PTPN14: variants seen among roughly 807,000 people sequenced by gnomAD.
PTPN14 encodes protein tyrosine phosphatase non-receptor type 14.
Under a neutral mutation model 126.8 loss-of-function variants are expected in PTPN14, and 53 were observed. The observed-to-expected ratio is 0.42, with a 90% CI of 0.34 to 0.53. The LOEUF (loss-of-function observed/expected upper bound fraction) is 0.53. PTPN14 is among the 20% of genes least tolerant of loss of function. The pLI, the probability that PTPN14 is intolerant of heterozygous loss-of-function variation, is 0.08. For missense variants in PTPN14, 1,257 were observed against 1,552.9 expected (o/e 0.81, Z 3.20); for synonymous variants, 630 against 599.3 (o/e 1.05, Z -0.75).
chr1:214,418,520 A>C (rs1659474558), intron 3 of PTPN14, among the ~76,000 whole-genome samples: 1 of 152,242 alleles, frequency 6.6e-6, no homozygotes, highest in Non-Finnish European at 1.5e-5. Flanking sequence ...CACAGGGATG[A>C]AGGCAGGATC....
rs1657761359 is a variant in PTPN14 at position 214,354,054 on chromosome 1, G to C, written c.*3868C>G. 6.6e-6 allele frequency: 1 copy of C among 152,244 alleles called. No homozygotes were observed. The highest frequency in any genetic ancestry group is 1.9e-4 in the East Asian group (1 of 5,196). 9.4% of individuals were successfully genotyped at this position (152,244 alleles called of 1,614,324 possible). A position where few individuals can be genotyped will look rare whatever the true frequency, so the allele number is the denominator to read the frequency against. On this transcript the variant is annotated 3_prime_UTR_variant, in exon 19 of 19. Transcript: ENST00000366956. The stretch of plus-strand genomic sequence containing the variant: ...TATAACTGAAAAGCACAAGCTGAAA[G>C]AAAGCAGGATAAAGGTTAAGTAGGT...
chr1:214,350,547 T>C lies in PTPN14; in HGVS notation c.*7375A>G, dbSNP rs943704175. 2.2e-5 allele frequency: 3 copies of C among 139,428 alleles called. No homozygotes were observed. The highest frequency in any genetic ancestry group is 8.1e-5 in the African/African-American group (3 of 36,930). 8.6% of individuals were successfully genotyped at this position (139,428 alleles called of 1,614,324 possible). A position where few individuals can be genotyped will look rare whatever the true frequency, so the allele number is the denominator to read the frequency against. Reference sequence around the variant, plus strand: ...ATCCGCCAGATCTTTTTTTTTTTTTTTTTTTTTTTTTGAGACAAAGTCTCA... The same window carrying C: ...ATCCGCCAGATCTTTTTTTTTTTTTCTTTTTTTTTTTGAGACAAAGTCTCA... On this transcript the variant is annotated 3_prime_UTR_variant, in exon 19 of 19. Transcript: ENST00000366956.
chr1:214,521,529 A>G (rs759183184), intron 1 of PTPN14, among the ~76,000 whole-genome samples: 12 of 152,224 alleles, frequency 7.9e-5, no homozygotes, highest in African/African-American at 1.9e-4. Flanking sequence ...CCTGGCTAAC[A>G]TGGTGAAACC....
At chr1:214,447,267 G>A (rs1050051507) in intron 3 of PTPN14, among the ~76,000 whole-genome samples, 4 of 151,934 alleles carry the variant, frequency 2.6e-5, no homozygotes, top group East Asian at 1.9e-4. Flanking sequence ...TATTCAGTTC[G>A]GACCTCAGAT....
intron 1 of PTPN14, chr1:214,530,274 A>C (rs1655508300): frequency 6.6e-6 from 1 of 152,092 alleles, no homozygotes; most frequent in African/African-American, 2.4e-5. Context: ...GGGTCCCATA[A>C]GTGATCAACC....
At position 214,407,682 on chromosome 1, in the gene PTPN14, C is replaced by T. The variant is rs574491629; in HGVS notation, c.510+4002G>A. 3.1e-3 allele frequency among the ~76,000 whole-genome samples: 472 copies of T among 152,306 alleles called. 1 individual carries two copies. The highest frequency in any genetic ancestry group is 0.011 in the African/African-American group (458 of 41,556). On this transcript the variant is annotated intron_variant, in intron 5 of 18. Coordinates refer to ENST00000366956, the MANE Select transcript of PTPN14 (RefSeq NM_005401.5). ...AAAACCTTTGTCACCAGACACTCTACTTTCTCCCATATGCCATCACTGATA... is the reference window on the plus strand; with the variant it reads ...AAAACCTTTGTCACCAGACACTCTATTTTCTCCCATATGCCATCACTGATA...
chr1:214,429,273 T>A (rs1189449887), intron 3 of PTPN14, among the ~76,000 whole-genome samples: 2 of 152,194 alleles, frequency 1.3e-5, no homozygotes, highest in African/African-American at 4.8e-5. Flanking sequence ...GAAATAGATA[T>A]GTTCACATGA....
intron 1 of PTPN14, among the ~76,000 whole-genome samples, chr1:214,494,199 T>C (rs1661310996): frequency 6.6e-6 from 1 of 152,010 alleles, no homozygotes; most frequent in Admixed American, 6.6e-5. Context: ...GCCTCCAGAG[T>C]AGCTGGGACT....
chr1:214,495,617 G>T (rs1661343396), intron 1 of PTPN14, among the ~76,000 whole-genome samples: 3 of 152,074 alleles, frequency 2.0e-5, no homozygotes, highest in Admixed American at 1.3e-4. Context: ...TAAGATGGGG[G>T]AGGAAAAGTG....
chr1:214,353,307 C>CT lies in PTPN14; in HGVS notation c.*4614dup, dbSNP rs1657742041. On this transcript the variant is annotated 3_prime_UTR_variant, in exon 19 of 19. Coordinates refer to ENST00000366956, the MANE Select transcript of PTPN14 (RefSeq NM_005401.5). ...ATCATCTCTAGATTATTTACAATAC[C>CT]TAACTCAATGCCTACACATCACTTC... is the stretch of plus-strand genomic sequence containing the variant. 1 of 152,204 alleles carries CT rather than the reference C, an allele frequency of 6.6e-6. No individual in the cohort carries two copies. Among genetic ancestry groups the CT allele is most frequent in the Non-Finnish European group, 1.5e-5 (1 of 68,048 alleles). 9.4% of individuals were successfully genotyped at this position (152,204 alleles called of 1,614,324 possible). A position where few individuals can be genotyped will look rare whatever the true frequency, so the allele number is the denominator to read the frequency against.
In PTPN14 at chr1:214,353,176, A is replaced by C. The variant is rs1657738605; in HGVS notation, c.*4746T>G. On this transcript the variant is annotated 3_prime_UTR_variant, in exon 19 of 19. Coordinates refer to ENST00000366956, the MANE Select transcript of PTPN14 (RefSeq NM_005401.5). ...ATAGTTGTCCTTTACCAAAGGGGGCAATCAAGGACCCTCTGAGAATACCAG... is the reference window on the plus strand; with the variant it reads ...ATAGTTGTCCTTTACCAAAGGGGGCCATCAAGGACCCTCTGAGAATACCAG... The C allele has an allele frequency of 6.6e-6, 1 of 152,048 alleles. No individual in the cohort carries two copies. Among genetic ancestry groups the C allele is most frequent in the South Asian group, 2.1e-4 (1 of 4,824 alleles). The allele number at this position is 152,048 out of a possible 1,614,324, so 9.4% of individuals were successfully genotyped here.
At chr1:214,536,891 A>C (rs1655722296) in intron 1 of PTPN14, among the ~76,000 whole-genome samples, 1 of 152,210 alleles carries the variant, frequency 6.6e-6, no homozygotes. Context: ...CAACCTATAA[A>C]AAACATCAAA....
chr1:214,514,230 A>G (rs1377624069), intron 1 of PTPN14, among the ~76,000 whole-genome samples: 1 of 152,158 alleles, frequency 6.6e-6, no homozygotes, highest in Non-Finnish European at 1.5e-5. Context: ...TAGTCCTCAA[A>G]CAGGATAAAA....
In PTPN14 at chr1:214,486,022, G is replaced by A. The variant is rs144275548; in HGVS notation, c.-154-21065C>T. ...ATTACAGGCGTGAGCCACCGCACCC[G>A]GCCTAGTCTTTTATATTTCATTGGT... On this transcript the variant is annotated intron_variant, in intron 1 of 18. Coordinates refer to ENST00000366956, the MANE Select transcript of PTPN14 (RefSeq NM_005401.5). 8.1e-4 allele frequency among the ~76,000 whole-genome samples: 123 copies of A among 152,192 alleles called. No individual in the cohort carries two copies. The East Asian group carries it at 9.5e-3, about 12-fold the overall frequency.
chr1:214,435,153 C>T (rs1048270967), intron 3 of PTPN14, among the ~76,000 whole-genome samples: 4 of 152,164 alleles, frequency 2.6e-5, no homozygotes, highest in Non-Finnish European at 5.9e-5. Flanking sequence ...GATTCCCCCT[C>T]ACCTACTTTA....
chr1:214,411,600 G>T, intron 5 of PTPN14, 84 bp downstream of exon 5: 1 of 1,101,752 alleles, frequency 9.1e-7, no homozygotes, highest in Non-Finnish European at 1.3e-6. Flanking sequence ...ATATGCATAT[G>T]TAAAATCCTG....
intron 16 of PTPN14, 86 bp downstream of exon 16, chr1:214,372,625 G>A: frequency 6.3e-7 from 1 of 1,588,062 alleles, no homozygotes; most frequent in Non-Finnish European, 8.6e-7. Context: ...AGAAGGATAG[G>A]GTAGCAAAGT....
chr1:214,474,286 T>C (rs1191138084), intron 1 of PTPN14, among the ~76,000 whole-genome samples: 2 of 152,108 alleles, frequency 1.3e-5, no homozygotes, highest in Non-Finnish European at 2.9e-5. Context: ...AGCAGTTGAG[T>C]ATCACCAAAT....
intron 2 of PTPN14, among the ~76,000 whole-genome samples, chr1:214,453,796 G>A (rs6540832): frequency 0.38 from 57,803 of 151,874 alleles, 11,297 homozygotes; most frequent in East Asian, 0.53. Flanking sequence ...GGTAGAAGCT[G>A]GAACATCTAC....
Sources: allele counts gnomAD v4.1 joint callset (sites outside exome capture counted in the v4.1 genomes callset), GRCh38; gene constraint gnomAD v4.1.1; transcripts MANE v1.5; gene names NCBI Gene and HGNC (gene_info 2026-07-23, HGNC 2026-07-21).